The following ELF2 variants were observed in gnomAD, a reference collection of about 807,000 sequenced individuals.
The protein encoded by ELF2 is ETS-related transcription factor Elf-2.
Under a neutral mutation model 54.8 loss-of-function variants are expected in ELF2, and 11 were observed. The observed-to-expected ratio is 0.20, with a 90% confidence interval of 0.13 to 0.33. ELF2 has a LOEUF of 0.33. Among genes scored for constraint, ELF2 ranks in the 10% least tolerant of loss-of-function variants. ELF2 has a pLI of 1.00. For missense variants in ELF2, 513 were observed against 703.0 expected, an observed-to-expected ratio of 0.73 and a Z score of 3.06; for synonymous variants, 203 against 245.1, an observed-to-expected ratio of 0.83 and a Z score of 1.61.
chr4:139,127,350 C>T (rs1354524977), intron 3 of ELF2, among the ~76,000 whole-genome samples: 2 of 152,174 alleles, frequency 1.3e-5, no homozygotes, highest in Non-Finnish European at 2.9e-5. Flanking sequence ...ATGTGCCTTA[C>T]ATTTCTAAAA....
At chr4:139,157,711 G>T (rs2148895128) in intron 1 of ELF2, among the ~76,000 whole-genome samples, 1 of 152,310 alleles carries the variant, frequency 6.6e-6, no homozygotes, top group African/African-American at 2.4e-5. Flanking sequence ...GGGCTTTGGA[G>T]ATATTTTGAT....
intron 1 of ELF2, among the ~76,000 whole-genome samples, chr4:139,167,294 G>A (rs993195026): frequency 2.0e-5 from 3 of 152,138 alleles, no homozygotes; most frequent in African/African-American, 7.2e-5. Context: ...CATTCCTACA[G>A]TGAGAGAATA....
intron 4 of ELF2, among the ~76,000 whole-genome samples, chr4:139,117,554 T>C (rs1383898227): frequency 1.3e-5 from 2 of 151,378 alleles, no homozygotes; most frequent in African/African-American, 2.4e-5. Context: ...ATTAGCCACA[T>C]AGGTGTGGTG....
chr4:139,107,997 T>G (rs1214716485), intron 4 of ELF2, among the ~76,000 whole-genome samples: 1 of 151,146 alleles, frequency 6.6e-6, no homozygotes, highest in Non-Finnish European at 1.5e-5. Flanking sequence ...GAGCTAAAAC[T>G]GAAAAGGTGA....
At chr4:139,133,798 C>T (rs1737811924) in intron 3 of ELF2, among the ~76,000 whole-genome samples, 2 of 152,236 alleles carry the variant, frequency 1.3e-5, no homozygotes, top group South Asian at 2.1e-4. Flanking sequence ...AATAGTACTG[C>T]TTCAGTTTCC....
intron 3 of ELF2, chr4:139,136,715 A>G (rs1419674399): frequency 7.2e-6 from 1 of 138,892 alleles, no homozygotes; most frequent in East Asian, 2.1e-4. Context: ...CACAGGCTGG[A>G]GTGCAGTGGC....
intron 4 of ELF2, among the ~76,000 whole-genome samples, chr4:139,086,349 T>C (rs1231200393): frequency 1.3e-5 from 2 of 152,164 alleles, no homozygotes; most frequent in Admixed American, 6.5e-5. Flanking sequence ...GCTGGAATCA[T>C]ATAGTTTAGG....
chr4:139,073,612 C>T lies in ELF2; in HGVS notation c.239-45G>A, dbSNP rs1055592080. 9 of 1,134,238 alleles carry T rather than the reference C, an allele frequency of 7.9e-6. No homozygotes were observed. The African/African-American group carries it at 1.4e-4, about 18-fold the overall frequency. The allele number at this position is 1,134,238 out of a possible 1,614,324, so 70.3% of individuals were successfully genotyped here. ...TACTCAATTAAAAATACACTAAACA[C>T]ATGACTAAAACATATTACTAAGAAA... On this transcript the variant is annotated intron_variant, in intron 4 of 9. Transcript: ENST00000686138.
intron 1 of ELF2, among the ~76,000 whole-genome samples, chr4:139,157,402 T>C (rs1468311831): frequency 6.6e-6 from 1 of 152,002 alleles, no homozygotes; most frequent in Non-Finnish European, 1.5e-5. Context: ...CAAAATTCTG[T>C]ATAATTTTTT....
intron 1 of ELF2, among the ~76,000 whole-genome samples, chr4:139,156,619 GTTT>G (rs957705313): frequency 4.2e-4 from 59 of 141,802 alleles, no homozygotes; most frequent in African/African-American, 1.4e-3. Context: ...TATATTTGTT[GTTT>G]TGTTGTTGTT....
chr4:139,066,808 G>C (rs766133530), intron 7 of ELF2: 1 of 151,686 alleles, frequency 6.6e-6, no homozygotes, highest in Non-Finnish European at 1.5e-5. Flanking sequence ...GCACAGTAGC[G>C]CAAGGCTGCA....
intron 3 of ELF2, chr4:139,137,358 T>G: frequency 2.1e-6 from 1 of 478,696 alleles, no homozygotes; most frequent in East Asian, 3.4e-5. Context: ...GATTTAAATT[T>G]AACTCTCAAC....
chr4:139,067,565 T>C (rs937131495), intron 7 of ELF2, 119 bp downstream of exon 7: 1 of 1,008,420 alleles, frequency 9.9e-7, no homozygotes, highest in South Asian at 1.6e-5. Flanking sequence ...TTAAGAACTA[T>C]TACCAGCGAC....
At chr4:139,071,404 C>T (rs1377737262) in intron 6 of ELF2, among the ~76,000 whole-genome samples, 2 of 151,808 alleles carry the variant, frequency 1.3e-5, no homozygotes, top group Non-Finnish European at 2.9e-5. Flanking sequence ...TCACGAAATC[C>T]TCTCACCTCC....
At chr4:139,070,464 T>C (rs1290909802) in intron 6 of ELF2, among the ~76,000 whole-genome samples, 2 of 152,068 alleles carry the variant, frequency 1.3e-5, no homozygotes, top group African/African-American at 4.8e-5. Context: ...CTAAGTTTTG[T>C]ATTTTTAGTA....
intron 4 of ELF2, chr4:139,116,626 TAATA>T (rs1407005922): frequency 2.1e-6 from 2 of 957,976 alleles, no homozygotes; most frequent in African/African-American, 1.8e-5. Flanking sequence ...CAAACATTCT[TAATA>T]AATTAAAAAC....
At chr4:139,159,375 A>G (rs1740871100) in intron 1 of ELF2, among the ~76,000 whole-genome samples, 1 of 152,216 alleles carries the variant, frequency 6.6e-6, no homozygotes. Context: ...TTATGAAATG[A>G]TGACAGAATA....
intron 1 of ELF2, among the ~76,000 whole-genome samples, chr4:139,151,287 TAGATG>T (rs915925307): frequency 2.4e-4 from 37 of 152,064 alleles, no homozygotes; most frequent in African/African-American, 8.2e-4. Context: ...AAAAAATTAT[TAGATG>T]AGACACCGAA....
At chr4:139,124,475 T>G (rs935825865) in intron 4 of ELF2, among the ~76,000 whole-genome samples, 2 of 152,200 alleles carry the variant, frequency 1.3e-5, no homozygotes, top group Non-Finnish European at 2.9e-5. Context: ...GTATAATGAT[T>G]CTTTTTCTCC....
Sources: allele counts gnomAD v4.1 joint callset (sites outside exome capture counted in the v4.1 genomes callset), GRCh38; gene constraint gnomAD v4.1.1; transcripts MANE v1.5; gene names NCBI Gene and HGNC (gene_info 2026-07-23, HGNC 2026-07-21).